The following CYB5B variants were observed in gnomAD, a reference collection of about 807,000 sequenced individuals.
CYB5B encodes the protein cytochrome b5 type B.
Under a neutral mutation model 21.3 loss-of-function variants are expected in CYB5B, and 14 were observed. The observed-to-expected ratio is 0.66, with a 90% confidence interval of 0.43 to 1.03. CYB5B has a LOEUF of 1.03. Among genes scored for constraint, CYB5B ranks in the 50% least tolerant of loss-of-function variants. The pLI is 0.00. For synonymous variants in CYB5B, 69 were observed against 68.4 expected (o/e 1.01, Z -0.04); for missense variants, 166 against 185.1 (o/e 0.90, Z 0.60).
chr16:69,439,102 T>A lies in CYB5B; in HGVS notation c.175-8048T>A, dbSNP rs182652456. Among the ~76,000 whole-genome samples the A allele has an allele frequency of 2.0e-4, 31 of 152,316 alleles. No homozygotes were observed. The East Asian group carries it at 5.6e-3, about 27-fold the overall frequency. On this transcript the variant is annotated intron_variant, in intron 1 of 4. Transcript: ENST00000307892. The stretch of plus-strand genomic sequence containing the variant: ...GATTTTAGCTTTTATATTTAGGTTG[T>A]TGATATTTTATATTAGGTTGTTGAG...
intron 3 of CYB5B, among the ~76,000 whole-genome samples, chr16:69,455,472 A>G (rs561654713): frequency 7.3e-6 from 1 of 137,516 alleles, no homozygotes; most frequent in African/African-American, 2.8e-5. Flanking sequence ...CAACGGTGTG[A>G]TCTCGGCTCA....
chr16:69,448,060 T>C, intron 2 of CYB5B, 55 bp from the exon 3 acceptor site: 1 of 1,568,534 alleles, frequency 6.4e-7, no homozygotes, highest in South Asian at 1.1e-5. Context: ...AAGCATATAG[T>C]GAGAATTCAT....
At position 69,447,946 on chromosome 16, in the gene CYB5B, G is replaced by C. The variant is rs907759243; in HGVS notation, c.304-169G>C. Reference sequence around the variant, plus strand: ...TATCCATATATACCATTCTAACAAGGGACTCTGATATGCTCAGAGTAGAGG... The same window carrying C: ...TATCCATATATACCATTCTAACAAGCGACTCTGATATGCTCAGAGTAGAGG... On this transcript the variant is annotated intron_variant, in intron 2 of 4. Coordinates refer to ENST00000307892, the MANE Select transcript of CYB5B (RefSeq NM_030579.3). Among the ~76,000 whole-genome samples the C allele has an allele frequency of 2.8e-4, 43 of 151,786 alleles. 1 individual carries two copies. The highest frequency in any genetic ancestry group is 1.0e-3 in the African/African-American group (43 of 41,370).
chr16:69,441,377 G>T (rs765307613), intron 1 of CYB5B, among the ~76,000 whole-genome samples: 5 of 151,848 alleles, frequency 3.3e-5, no homozygotes, highest in Non-Finnish European at 7.4e-5. Flanking sequence ...GATGGTCTCG[G>T]TCTCCTGACC....
intron 3 of CYB5B, chr16:69,449,611 T>G (rs528692773): frequency 6.6e-6 from 1 of 152,354 alleles, no homozygotes; most frequent in East Asian, 1.9e-4. Context: ...CTTAGGAATG[T>G]AGAACAATGT....
At chr16:69,442,638 C>G (rs1053477366) in intron 1 of CYB5B, among the ~76,000 whole-genome samples, 2 of 152,000 alleles carry the variant, frequency 1.3e-5, no homozygotes, top group Non-Finnish European at 2.9e-5. Flanking sequence ...AATTCAGCTT[C>G]CTGAGTAGCC....
At chr16:69,460,345 T>C (rs976476854) in intron 4 of CYB5B, among the ~76,000 whole-genome samples, 5 of 152,110 alleles carry the variant, frequency 3.3e-5, no homozygotes, top group Admixed American at 3.3e-4. Context: ...TACAAATCAG[T>C]TTTTTAAAAC....
intron 3 of CYB5B, among the ~76,000 whole-genome samples, chr16:69,452,170 T>C (rs975189402): frequency 6.6e-6 from 1 of 150,664 alleles, no homozygotes; most frequent in African/African-American, 2.4e-5. Context: ...ATCCCAGCAT[T>C]TGGGGAGGCC....
At position 69,462,729 on chromosome 16, in the gene CYB5B, C is replaced by G. The variant is rs943029771; in HGVS notation, c.*209C>G. On this transcript the variant is annotated 3_prime_UTR_variant, in exon 5 of 5. Transcript: ENST00000307892. ...ACTCCCAAAGTACCTGCTCACTGTT[C>G]CGTGTTGAACAATTGCCGGTGTTTC... is the stretch of plus-strand genomic sequence containing the variant. 1 of 523,170 alleles carries G rather than the reference C, an allele frequency of 1.9e-6. No homozygotes were observed. Among genetic ancestry groups the G allele is most frequent in the African/African-American group, 1.9e-5 (1 of 52,424 alleles). 32.4% of individuals were successfully genotyped at this position (523,170 alleles called of 1,614,324 possible).
rs1419110482 is a variant in CYB5B at position 69,435,660 on chromosome 16, C to T, written c.174+10803C>T. Reference sequence around the variant, plus strand: ...TTAATTAATTTATTTGTTTTTGAGACGGACTCTCACTGTGTCTCCCAGGCT... The same window carrying T: ...TTAATTAATTTATTTGTTTTTGAGATGGACTCTCACTGTGTCTCCCAGGCT... On this transcript the variant is annotated intron_variant, in intron 1 of 4. Coordinates refer to ENST00000307892, the MANE Select transcript of CYB5B (RefSeq NM_030579.3). 2.6e-5 allele frequency among the ~76,000 whole-genome samples: 4 copies of T among 152,154 alleles called. No homozygotes were observed. In the East Asian group the frequency reaches 5.8e-4, roughly 22 times the overall value.
rs2142830445 is a variant in CYB5B at position 69,463,558 on chromosome 16, A to G, written c.*1038A>G. 1 of 152,330 alleles carries G rather than the reference A, an allele frequency of 6.6e-6. No individual in the cohort carries two copies. The allele number at this position is 152,330 out of a possible 1,614,324, so 9.4% of individuals were successfully genotyped here. Reference sequence around the variant, plus strand: ...ATAATTATGTTTGTAGAGCTTTACCAAGGAGTTTCCCTCCTTTTTTGTTTG... The same window carrying G: ...ATAATTATGTTTGTAGAGCTTTACCGAGGAGTTTCCCTCCTTTTTTGTTTG... On this transcript the variant is annotated 3_prime_UTR_variant, in exon 5 of 5. Transcript: ENST00000307892.
intron 4 of CYB5B, among the ~76,000 whole-genome samples, chr16:69,461,308 T>G (rs559597927): frequency 6.6e-6 from 1 of 152,246 alleles, no homozygotes; most frequent in African/African-American, 2.4e-5. Context: ...TCAAGGAGTC[T>G]GAATTCATTA....
At chr16:69,428,799 A>T (rs1238328714) in intron 1 of CYB5B, among the ~76,000 whole-genome samples, 1 of 152,196 alleles carries the variant, frequency 6.6e-6, no homozygotes, top group East Asian at 1.9e-4. Flanking sequence ...AAAGTAAAGG[A>T]GCTAGCCATG....
intron 1 of CYB5B, among the ~76,000 whole-genome samples, chr16:69,434,903 G>A (rs1207337227): frequency 1.3e-5 from 2 of 151,120 alleles, no homozygotes; most frequent in Non-Finnish European, 1.5e-5. Flanking sequence ...GGTGTGTAAT[G>A]GTATATAATT....
chr16:69,442,056 A>G (rs190443526), intron 1 of CYB5B, among the ~76,000 whole-genome samples: 4 of 152,290 alleles, frequency 2.6e-5, no homozygotes, highest in Admixed American at 2.0e-4. Flanking sequence ...TATAGTTTCT[A>G]AATTTTTGGT....
intron 4 of CYB5B, chr16:69,459,670 A>G (rs1208266179): frequency 1.3e-5 from 2 of 152,462 alleles, no homozygotes; most frequent in African/African-American, 4.8e-5. Context: ...AAGTGCCTCT[A>G]TCTAAAATGA....
intron 3 of CYB5B, 38 bp from the exon 4 acceptor site, chr16:69,459,051 TTTTG>T (rs1232601185): frequency 3.9e-6 from 6 of 1,547,248 alleles, no homozygotes; most frequent in Admixed American, 1.9e-5. Flanking sequence ...TCTTCTTTCT[TTTTG>T]TTTGTTATTT....
At chr16:69,459,070 A>ATT (rs34120910) in intron 3 of CYB5B, 23 bp from the exon 4 acceptor site, 59,729 of 1,339,258 alleles carry the variant, frequency 0.045, 1 homozygote, top group Non-Finnish European at 0.048. Flanking sequence ...TTATTTTTGA[A>ATT]TTTTTTTTTT....
chr16:69,459,760 T>C (rs926306736), intron 4 of CYB5B, among the ~76,000 whole-genome samples: 4 of 152,318 alleles, frequency 2.6e-5, no homozygotes, highest in Admixed American at 6.5e-5. Flanking sequence ...CATCTCGAAG[T>C]ATTTCAGAGA....
Sources: allele counts gnomAD v4.1 joint callset (sites outside exome capture counted in the v4.1 genomes callset), GRCh38; gene constraint gnomAD v4.1.1; transcripts MANE v1.5; gene names NCBI Gene and HGNC (gene_info 2026-07-23, HGNC 2026-07-21).